The following TRAF3 variants were observed in gnomAD, a reference collection of about 807,000 sequenced individuals.
TRAF3 encodes the protein TNF receptor-associated factor 3.
A neutral mutation model predicts 62.3 loss-of-function variants in TRAF3; 13 were observed. The observed-to-expected ratio is 0.21, with a 90% CI of 0.14 to 0.33. TRAF3 has a LOEUF of 0.33. TRAF3 is among the 10% of genes least tolerant of loss of function. The probability of loss-of-function intolerance (pLI) is 1.00; values close to 1 mark genes in which losing one functional copy is unlikely to be tolerated. For synonymous variants in TRAF3, 269 were observed against 283.4 expected (o/e 0.95, Z 0.51); for missense variants, 440 against 741.8 (o/e 0.59, Z 4.73).
chr14:102,895,519 C>G (rs1889957755), intron 9 of TRAF3, among the ~76,000 whole-genome samples: 1 of 152,166 alleles, frequency 6.6e-6, no homozygotes, highest in Non-Finnish European at 1.5e-5. Flanking sequence ...CCTTTGTGAC[C>G]ATTGGTCCCC....
chr14:102,860,601 G>A (rs970396487), intron 2 of TRAF3, among the ~76,000 whole-genome samples: 1 of 152,190 alleles, frequency 6.6e-6, no homozygotes, highest in Non-Finnish European at 1.5e-5. Flanking sequence ...CAGGTGCTGA[G>A]AGAAAGGAAA....
In TRAF3 at chr14:102,843,965, A is replaced by G. The variant is rs182608786; in HGVS notation, c.-18+13493A>G. The stretch of plus-strand genomic sequence containing the variant: ...ATCATAAAAGGATATTAGAATTAGC[A>G]TCACGCTATATACATTTGAAAATTT... On this transcript the variant is annotated intron_variant, in intron 2 of 11. Coordinates refer to ENST00000392745, the MANE Select transcript of TRAF3 (RefSeq NM_145725.3). 5.9e-3 allele frequency among the ~76,000 whole-genome samples: 904 copies of G among 152,388 alleles called. 5 individuals are homozygous for G. The highest frequency in any genetic ancestry group is 8.3e-3 in the Non-Finnish European group (562 of 68,040).
At chr14:102,875,528 G>GTT (rs5811085) in intron 4 of TRAF3, 96 bp from the exon 5 acceptor site, 48,645 of 811,584 alleles carry the variant, frequency 0.06, 60 homozygotes, top group Admixed American at 0.11. Flanking sequence ...TTCCTCTCTT[G>GTT]TTTTTTTTTT....
intron 6 of TRAF3, among the ~76,000 whole-genome samples, chr14:102,884,302 T>C (rs1274411544): frequency 1.3e-5 from 2 of 152,320 alleles, no homozygotes; most frequent in East Asian, 3.9e-4. Context: ...TCTTTAGATT[T>C]AGGGTCTGCC....
At chr14:102,837,154 G>C (rs956776300) in intron 2 of TRAF3, among the ~76,000 whole-genome samples, 22 of 150,986 alleles carry the variant, frequency 1.5e-4, no homozygotes, top group Admixed American at 1.3e-3. Flanking sequence ...TTTTTTTGGG[G>C]GGGGGTGAAG....
intron 9 of TRAF3, among the ~76,000 whole-genome samples, chr14:102,892,589 C>T (rs1029337576): frequency 1.3e-5 from 2 of 152,186 alleles, no homozygotes; most frequent in Admixed American, 6.5e-5. Flanking sequence ...ATTCAACAAA[C>T]GTCTATTGAG....
chr14:102,853,415 C>T (rs1306410821), intron 2 of TRAF3, among the ~76,000 whole-genome samples: 1 of 151,934 alleles, frequency 6.6e-6, no homozygotes, highest in Non-Finnish European at 1.5e-5. Context: ...TCTGGATGTT[C>T]CCCCCACCAC....
At chr14:102,868,678 A>C (rs1888150380) in intron 2 of TRAF3, among the ~76,000 whole-genome samples, 1 of 152,260 alleles carries the variant, frequency 6.6e-6, no homozygotes. Context: ...GCCAGACTTT[A>C]TACCACCATC....
chr14:102,871,502 A>G (rs1294374837), intron 3 of TRAF3, among the ~76,000 whole-genome samples: 1 of 152,202 alleles, frequency 6.6e-6, no homozygotes, highest in East Asian at 1.9e-4. Context: ...TTGGCCTTCC[A>G]ATAGACAGTG....
intron 2 of TRAF3, among the ~76,000 whole-genome samples, chr14:102,834,425 G>A (rs898892103): frequency 2.0e-5 from 3 of 151,540 alleles, no homozygotes; most frequent in African/African-American, 4.8e-5. Context: ...CCGGCTGGGC[G>A]CGGTGGCTCA....
At chr14:102,847,944 A>C (rs1469214669) in intron 2 of TRAF3, among the ~76,000 whole-genome samples, 7 of 152,198 alleles carry the variant, frequency 4.6e-5, no homozygotes, top group African/African-American at 2.4e-5. Flanking sequence ...GAATGAGTGA[A>C]TAAGTTGGAA....
At chr14:102,881,848 C>T (rs892255275) in intron 6 of TRAF3, among the ~76,000 whole-genome samples, 4 of 152,182 alleles carry the variant, frequency 2.6e-5, no homozygotes, top group East Asian at 1.9e-4. Context: ...AAGAAGGAAT[C>T]GTAGCGTATG....
At position 102,797,886 on chromosome 14, in the gene TRAF3, C is replaced by T. The variant is rs150514001; in HGVS notation, c.-157+20211C>T. 7.8e-3 allele frequency among the ~76,000 whole-genome samples: 1,180 copies of T among 152,184 alleles called. 7 individuals carry two copies. Among genetic ancestry groups the T allele is most frequent in the Admixed American group, 0.012 (181 of 15,284 alleles). ...CCGAGTAGCTGGGATTACAGGTTTG[C>T]ACCACCACGCCTGGCTAAGTTTGTA... is the stretch of plus-strand genomic sequence containing the variant. On this transcript the variant is annotated intron_variant, in intron 1 of 11. Coordinates refer to ENST00000392745, the MANE Select transcript of TRAF3 (RefSeq NM_145725.3).
At chr14:102,843,951 A>T (rs996859663) in intron 2 of TRAF3, among the ~76,000 whole-genome samples, 1 of 152,286 alleles carries the variant, frequency 6.6e-6, no homozygotes, top group Non-Finnish European at 1.5e-5. Context: ...TCATAAAAGG[A>T]TATTAGAATT....
intron 9 of TRAF3, among the ~76,000 whole-genome samples, chr14:102,895,542 T>A (rs1889958963): frequency 6.6e-6 from 1 of 152,082 alleles, no homozygotes; most frequent in Non-Finnish European, 1.5e-5. Context: ...GCATTGGTGG[T>A]TTTAGAGCGT....
chr14:102,858,268 C>T (rs1400655618), intron 2 of TRAF3, among the ~76,000 whole-genome samples: 1 of 152,062 alleles, frequency 6.6e-6, no homozygotes, highest in Non-Finnish European at 1.5e-5. Flanking sequence ...TCTCCTGCCT[C>T]AGCCTCCTGA....
Position 102,827,043 on chromosome 14 carries a change from C to G in TRAF3, c.-156-3291C>G, listed in dbSNP as rs140335410. On this transcript the variant is annotated intron_variant, in intron 1 of 11. Coordinates refer to ENST00000392745, the MANE Select transcript of TRAF3 (RefSeq NM_145725.3). Reference sequence around the variant, plus strand: ...CTCCGGCCACAGGCGTGCAAGGTCCCCTTGCAGAGGACCTCCCGCACCTGC... The same window carrying G: ...CTCCGGCCACAGGCGTGCAAGGTCCGCTTGCAGAGGACCTCCCGCACCTGC... 8.2e-3 allele frequency among the ~76,000 whole-genome samples: 1,254 copies of G among 152,310 alleles called. 14 individuals are homozygous for G. Among genetic ancestry groups the G allele is most frequent in the African/African-American group, 0.029 (1,200 of 41,546 alleles).
At chr14:102,802,828 A>C (rs1898526132) in intron 1 of TRAF3, among the ~76,000 whole-genome samples, 1 of 151,972 alleles carries the variant, frequency 6.6e-6, no homozygotes. Flanking sequence ...ACTCTGTCTC[A>C]AAAAAAAGAA....
At position 102,797,772 on chromosome 14, in the gene TRAF3, T is replaced by C. The variant is rs147980599; in HGVS notation, c.-157+20097T>C. On this transcript the variant is annotated intron_variant, in intron 1 of 11. Transcript: ENST00000392745. Reference sequence around the variant, plus strand: ...TTTTTTTGAGATGTAGTTTTGCTCTTGTCACCCAGGCTGGAGGTGCAGTGG... The same window carrying C: ...TTTTTTTGAGATGTAGTTTTGCTCTCGTCACCCAGGCTGGAGGTGCAGTGG... Among the ~76,000 whole-genome samples the C allele has an allele frequency of 9.5e-4, 144 of 152,036 alleles. 1 individual carries two copies. Among genetic ancestry groups the C allele is most frequent in the African/African-American group, 3.4e-3 (139 of 41,466 alleles).
Sources: gnomAD v4.1 joint callset for allele counts (sites outside exome capture counted in the v4.1 genomes callset) on GRCh38, gnomAD v4.1.1 for gene constraint, MANE v1.5 for transcripts, NCBI Gene and HGNC (gene_info 2026-07-23, HGNC 2026-07-21) for gene names.